Variants in KIF4A observed in about 807,000 individuals in gnomAD.
KIF4A encodes the protein kinesin family member 4A.
A neutral mutation model predicts 105.9 loss-of-function variants in KIF4A; 7 were observed. The ratio of observed to expected loss-of-function variants is 0.07; its 90% CI spans 0.04 to 0.12. The LOEUF (loss-of-function observed/expected upper bound fraction) is 0.12. KIF4A is among the 10% of genes least tolerant of loss of function. The probability of loss-of-function intolerance (pLI) is 1.00; values close to 1 mark genes in which losing one functional copy is unlikely to be tolerated. For missense variants in KIF4A, 558 were observed against 929.2 expected (o/e 0.60, Z 5.19); for synonymous variants, 281 against 331.3 (o/e 0.85, Z 1.65).
intron 13 of KIF4A, among the ~76,000 whole-genome samples, chrX:70,346,450 C>T (rs2085993026): frequency 9.0e-6 from 1 of 111,401 alleles, no homozygotes; most frequent in Non-Finnish European, 1.9e-5. Flanking sequence ...CACCTCATTT[C>T]TGGGGCTTCG....
At chrX:70,401,463 C>T (rs994837573) in intron 22 of KIF4A, among the ~76,000 whole-genome samples, 16 of 107,078 alleles carry the variant, frequency 1.5e-4, no homozygotes, top group Non-Finnish European at 2.5e-4. Context: ...TGCAATGGCA[C>T]GATCTCGGCT....
intron 7 of KIF4A, among the ~76,000 whole-genome samples, chrX:70,324,927 G>A (rs1023170088): frequency 2.7e-5 from 3 of 111,482 alleles, no homozygotes; most frequent in African/African-American, 9.8e-5. Flanking sequence ...AACTGCGAGT[G>A]TATGCCACTG....
chrX:70,304,626 C>T (rs1189176506), intron 7 of KIF4A, among the ~76,000 whole-genome samples: 5 of 103,336 alleles, frequency 4.8e-5, no homozygotes, highest in Non-Finnish European at 9.8e-5. Context: ...ATCCATGTTG[C>T]ATCATATATC....
chrX:70,352,693 C>G lies in KIF4A; in HGVS notation c.1488+37C>G, dbSNP rs372218656. 41 of 964,401 alleles carry G rather than the reference C, an allele frequency of 4.3e-5. No individual in the cohort carries two copies. The Admixed American group carries it at 4.7e-4, about 11-fold the overall frequency. The allele number at this position is 964,401 out of a possible 1,213,427, so 79.5% of individuals were successfully genotyped here. On this transcript the variant is annotated intron_variant, in intron 14 of 30. Coordinates refer to ENST00000374403, the MANE Select transcript of KIF4A (RefSeq NM_012310.5). Reference sequence around the variant, plus strand: ...GCCCCTTTGTGTAGAACCAGGAGCTCTAACTGCCGTTTCCTATAATTTATC... The same window carrying G: ...GCCCCTTTGTGTAGAACCAGGAGCTGTAACTGCCGTTTCCTATAATTTATC...
intron 3 of KIF4A, among the ~76,000 whole-genome samples, chrX:70,295,733 C>T (rs2147657280): frequency 9.2e-6 from 1 of 108,437 alleles, no homozygotes. Context: ...CTGGCTAACA[C>T]GGTGAAACCC....
At chrX:70,346,017 A>G (rs1258718836) in intron 13 of KIF4A, among the ~76,000 whole-genome samples, 1 of 111,683 alleles carries the variant, frequency 9.0e-6, no homozygotes, top group African/African-American at 3.3e-5. Context: ...ACAAAAGGGA[A>G]GGGACAGGCC....
intron 18 of KIF4A, among the ~76,000 whole-genome samples, chrX:70,384,302 A>T (rs912646515): frequency 1.8e-5 from 2 of 111,951 alleles, no homozygotes; most frequent in African/African-American, 6.5e-5. Context: ...GTAGGGCAAC[A>T]AAAAGTACCG....
chrX:70,336,534 T>C (rs1205188411), intron 10 of KIF4A, among the ~76,000 whole-genome samples: 3 of 111,699 alleles, frequency 2.7e-5, no homozygotes, highest in Non-Finnish European at 5.6e-5. Context: ...TGTCATACTT[T>C]TTCAATTTTT....
rs762359743 is a variant in KIF4A, at chrX:70,352,023, C to T, written c.1432-577C>T. Among the ~76,000 whole-genome samples, 11 of 111,869 alleles carry T rather than the reference C, an allele frequency of 9.8e-5. No individual in the cohort carries two copies. The South Asian group carries it at 2.3e-3, about 23-fold the overall frequency. On this transcript the variant is annotated intron_variant, in intron 13 of 30. Coordinates refer to ENST00000374403, the MANE Select transcript of KIF4A (RefSeq NM_012310.5). Reference sequence around the variant, plus strand: ...ACCTGCCTGCCTTGGCCTCCCAAAGCGCTGGGATTACAGGCATAAGCCACC... The same window carrying T: ...ACCTGCCTGCCTTGGCCTCCCAAAGTGCTGGGATTACAGGCATAAGCCACC...
intron 13 of KIF4A, among the ~76,000 whole-genome samples, chrX:70,346,816 C>T (rs758834316): frequency 1.8e-5 from 2 of 111,925 alleles, no homozygotes; most frequent in African/African-American, 6.5e-5. Context: ...TTTGGAAATA[C>T]ACAACAATGT....
intron 18 of KIF4A, among the ~76,000 whole-genome samples, chrX:70,378,716 G>A (rs1323594719): frequency 8.2e-5 from 4 of 48,935 alleles, no homozygotes; most frequent in South Asian, 1.9e-3. Context: ...CAACAAAAGC[G>A]AAACTGTCTC....
At chrX:70,375,118 G>A (rs908471243) in intron 16 of KIF4A, 86 bp from the exon 17 acceptor site, 6 of 1,033,561 alleles carry the variant, frequency 5.8e-6, no homozygotes, top group Non-Finnish European at 7.9e-6. Flanking sequence ...ATATGTCAGT[G>A]TTGTAACTCT....
intron 20 of KIF4A, among the ~76,000 whole-genome samples, chrX:70,389,682 A>T (rs959847021): frequency 1.4e-4 from 16 of 112,686 alleles, no homozygotes; most frequent in African/African-American, 5.2e-4. Flanking sequence ...TTTTGACTGG[A>T]CACCTTTGTC....
chrX:70,354,725 A>C (rs975933233), intron 15 of KIF4A, among the ~76,000 whole-genome samples: 18 of 111,714 alleles, frequency 1.6e-4, no homozygotes, highest in Non-Finnish European at 2.6e-4. Context: ...AGTTGGCCCA[A>C]GGATGCCCTT....
chrX:70,341,744 G>T (rs1215728902), intron 10 of KIF4A, 55 bp from the exon 11 acceptor site: 2 of 1,132,492 alleles, frequency 1.8e-6, no homozygotes, highest in East Asian at 3.1e-5. Context: ...ATCCACCTTT[G>T]ATATAGGTAT....
chrX:70,387,064 A>G, intron 19 of KIF4A, 120 bp from the exon 20 acceptor site: 1 of 509,623 alleles, frequency 2.0e-6, no homozygotes. Flanking sequence ...ATGGAAGTTT[A>G]TAAACCTGGT....
intron 1 of KIF4A, 48 bp from the exon 2 acceptor site, chrX:70,290,390 G>C: frequency 2.6e-6 from 3 of 1,171,389 alleles, no homozygotes; most frequent in Non-Finnish European, 3.4e-6. Flanking sequence ...TCCCACCCCT[G>C]CTGACCTACT....
intron 23 of KIF4A, among the ~76,000 whole-genome samples, chrX:70,403,583 G>T (rs1191807415): frequency 8.9e-6 from 1 of 112,904 alleles, no homozygotes; most frequent in Non-Finnish European, 1.9e-5. Flanking sequence ...CTTTATTCTT[G>T]CCTTGAGGCA....
intron 13 of KIF4A, among the ~76,000 whole-genome samples, chrX:70,349,326 AGGTGCTCCTCACTTCCCAGATGG>A (rs2147702609): frequency 1.1e-5 from 1 of 90,351 alleles, no homozygotes; most frequent in East Asian, 3.9e-4. Context: ...GGCCGGGCAG[AGGTGCTCCTCACTTCCCAGATGG>A]GGCGGCCGGG....
Sources: gnomAD v4.1 joint callset for allele counts (sites outside exome capture counted in the v4.1 genomes callset) on GRCh38, gnomAD v4.1.1 for gene constraint, MANE v1.5 for transcripts, NCBI Gene and HGNC (gene_info 2026-07-23, HGNC 2026-07-21) for gene names.